The following KIAA1958 variants were observed in gnomAD, a reference collection of about 807,000 sequenced individuals.
KIAA1958 encodes KIAA1958, also known as uncharacterized protein KIAA1958.
In KIAA1958, 14 loss-of-function variants were observed where a neutral mutation model predicts 47.2. The observed-to-expected ratio is 0.30, with a 90% CI of 0.20 to 0.46. The LOEUF (loss-of-function observed/expected upper bound fraction) is 0.46. Among genes scored for constraint, KIAA1958 ranks in the 20% least tolerant of loss-of-function variants. KIAA1958 has a pLI of 1.00. For missense variants in KIAA1958, 803 were observed against 909.2 expected, an observed-to-expected ratio of 0.88 and a Z score of 1.50; for synonymous variants, 354 against 353.3, an observed-to-expected ratio of 1.00 and a Z score of -0.02.
chr9:112,512,470 C>T (rs1834339331), intron 1 of KIAA1958, among the ~76,000 whole-genome samples: 1 of 151,126 alleles, frequency 6.6e-6, no homozygotes, highest in African/African-American at 2.4e-5. Context: ...AAAAAAAAAA[C>T]TCTTAGCAAA....
intron 1 of KIAA1958, among the ~76,000 whole-genome samples, chr9:112,535,046 A>G (rs1834828191): frequency 6.6e-6 from 1 of 152,236 alleles, no homozygotes; most frequent in South Asian, 2.1e-4. Flanking sequence ...TATGCATTGT[A>G]GAAAGGATAA....
intron 1 of KIAA1958, among the ~76,000 whole-genome samples, chr9:112,519,298 G>A (rs1347239909): frequency 6.6e-6 from 1 of 151,970 alleles, no homozygotes; most frequent in Non-Finnish European, 1.5e-5. Flanking sequence ...TTACTAATAT[G>A]TGCTATTATC....
At chr9:112,600,234 T>C (rs1369925855) in intron 2 of KIAA1958, among the ~76,000 whole-genome samples, 3 of 152,220 alleles carry the variant, frequency 2.0e-5, no homozygotes, top group Non-Finnish European at 2.9e-5. Context: ...TATCCGCACC[T>C]GTCATCTGGT....
intron 1 of KIAA1958, among the ~76,000 whole-genome samples, chr9:112,546,983 C>A (rs1835047187): frequency 6.7e-6 from 1 of 148,560 alleles, no homozygotes; most frequent in Non-Finnish European, 1.5e-5. Flanking sequence ...CGTCTGCTGC[C>A]CAAGCTGGGG....
At chr9:112,629,148 A>G (rs1836667824) in intron 2 of KIAA1958, among the ~76,000 whole-genome samples, 1 of 152,196 alleles carries the variant, frequency 6.6e-6, no homozygotes, top group Admixed American at 6.6e-5. Flanking sequence ...AATTGGGAAT[A>G]AAAAGATTTA....
Position 112,487,114 on chromosome 9 carries a change from T to C in KIAA1958, c.-29T>C. Reference sequence around the variant, plus strand: ...TCCTATGGACAGACGCACAGACACCTGCAGGTGGGTGAGAGCCCGCGCGCG... The same window carrying C: ...TCCTATGGACAGACGCACAGACACCCGCAGGTGGGTGAGAGCCCGCGCGCG... On this transcript the variant is annotated 5_prime_UTR_variant, in exon 1 of 4. Transcript: ENST00000337530. The C allele has an allele frequency of 1.4e-5, 3 of 207,894 alleles. No homozygotes were observed. Among genetic ancestry groups the C allele is most frequent in the Non-Finnish European group, 2.9e-5 (3 of 102,332 alleles). The allele number at this position is 207,894 out of a possible 1,614,324, so 12.9% of individuals were successfully genotyped here.
intron 2 of KIAA1958, among the ~76,000 whole-genome samples, chr9:112,595,927 A>T (rs560060370): frequency 2.4e-4 from 37 of 151,838 alleles, no homozygotes; most frequent in Non-Finnish European, 5.0e-4. Context: ...CTGGGATTAC[A>T]GGCATGTGTC....
chr9:112,545,555 T>G (rs1425532532), intron 1 of KIAA1958, among the ~76,000 whole-genome samples: 1 of 152,164 alleles, frequency 6.6e-6, no homozygotes, highest in Non-Finnish European at 1.5e-5. Flanking sequence ...TACTTGACAT[T>G]TATCACTTAT....
At chr9:112,637,411 T>C (rs976369347) in intron 2 of KIAA1958, among the ~76,000 whole-genome samples, 1 of 152,166 alleles carries the variant, frequency 6.6e-6, no homozygotes, top group Non-Finnish European at 1.5e-5. Flanking sequence ...AGATGGAGTT[T>C]CGCTCTTTTG....
chr9:112,625,760 C>T (rs2131224111), intron 2 of KIAA1958, among the ~76,000 whole-genome samples: 2 of 152,228 alleles, frequency 1.3e-5, no homozygotes, highest in South Asian at 4.1e-4. Flanking sequence ...TGTTGTGTTA[C>T]ATCTTAGTTT....
intron 3 of KIAA1958, among the ~76,000 whole-genome samples, chr9:112,653,016 G>C (rs1837088913): frequency 6.6e-6 from 1 of 152,280 alleles, no homozygotes; most frequent in African/African-American, 2.4e-5. Flanking sequence ...TCTTCAGGGA[G>C]CTTTCAGTCC....
chr9:112,509,337 A>T (rs978444898), intron 1 of KIAA1958, among the ~76,000 whole-genome samples: 19 of 151,640 alleles, frequency 1.3e-4, no homozygotes, highest in Admixed American at 1.3e-3. Flanking sequence ...AGTAGCTGGG[A>T]TTACAGGTGT....
rs193075252 is a variant in KIAA1958, at chr9:112,667,976, G to C, written c.*7907G>C. ...AGAAGCTACATATCTAAAAGCACCC[G>C]AAGTCCTCATATGAATAGGCTAAAT... On this transcript the variant is annotated 3_prime_UTR_variant, in exon 4 of 4. Transcript: ENST00000337530. 1 of 122,178 alleles carries C rather than the reference G, an allele frequency of 8.2e-6. No individual in the cohort carries two copies. Among genetic ancestry groups the C allele is most frequent in the African/African-American group, 3.5e-5 (1 of 28,872 alleles). The allele number at this position is 122,178 out of a possible 1,614,324, so 7.6% of individuals were successfully genotyped here.
At chr9:112,577,710 G>A (rs1038505930) in intron 2 of KIAA1958, among the ~76,000 whole-genome samples, 3 of 150,764 alleles carry the variant, frequency 2.0e-5, no homozygotes, top group African/African-American at 7.3e-5. Context: ...GCACTGAGGC[G>A]CTTTGCTAAA....
intron 2 of KIAA1958, among the ~76,000 whole-genome samples, chr9:112,586,451 C>G (rs1472591140): frequency 2.0e-5 from 3 of 152,090 alleles, no homozygotes; most frequent in Non-Finnish European, 4.4e-5. Flanking sequence ...GCAGATTGCT[C>G]TGTGTTGTAC....
At chr9:112,525,321 C>T (rs1834621604) in intron 1 of KIAA1958, among the ~76,000 whole-genome samples, 1 of 152,182 alleles carries the variant, frequency 6.6e-6, no homozygotes, top group Non-Finnish European at 1.5e-5. Flanking sequence ...TTCATCTTCT[C>T]CTTTGCTGTG....
chr9:112,656,098 T>G (rs1294901721), intron 3 of KIAA1958, among the ~76,000 whole-genome samples: 1 of 151,952 alleles, frequency 6.6e-6, no homozygotes, highest in Non-Finnish European at 1.5e-5. Flanking sequence ...TTTAGCTGGG[T>G]CCAGTGGCTC....
At chr9:112,610,819 T>C (rs1341342987) in intron 2 of KIAA1958, among the ~76,000 whole-genome samples, 1 of 152,166 alleles carries the variant, frequency 6.6e-6, no homozygotes. Context: ...CAAAATTTGC[T>C]TATGAATACC....
intron 1 of KIAA1958, among the ~76,000 whole-genome samples, chr9:112,557,913 C>G (rs1263733632): frequency 1.3e-5 from 2 of 151,964 alleles, no homozygotes; most frequent in Admixed American, 6.6e-5. Context: ...ATATGGCATA[C>G]TGGACACTTT....
Sources: gnomAD v4.1 joint callset for allele counts (sites outside exome capture counted in the v4.1 genomes callset) on GRCh38, gnomAD v4.1.1 for gene constraint, MANE v1.5 for transcripts, NCBI Gene and HGNC (gene_info 2026-07-23, HGNC 2026-07-21) for gene names.